Variants in MED13 observed in about 807,000 individuals in gnomAD.
The protein encoded by MED13 is mediator complex subunit 13.
MED13 carries 23 observed loss-of-function variants against 225.2 expected under a neutral mutation model. The ratio of observed to expected loss-of-function variants is 0.10; its 90% CI spans 0.07 to 0.14. The LOEUF (loss-of-function observed/expected upper bound fraction) is 0.14. MED13 is among the 10% of genes least tolerant of loss of function. MED13 has a pLI of 1.00. For synonymous variants in MED13, 942 were observed against 889.2 expected, an observed-to-expected ratio of 1.06 and a Z score of -1.06; for missense variants, 2,197 against 2,594.5, an observed-to-expected ratio of 0.85 and a Z score of 3.33.
rs2080738845 is a variant in MED13, at chr17:62,029,921, G to T, written c.1102C>A (p.Pro368Thr). Residue 368 changes from proline to threonine, a missense_variant, in exon 7 of 30, where the codon CCC becomes ACC. Pro to Thr is a conservative substitution (Grantham distance 38). Transcript: ENST00000397786. ...DSTSHHGGKI[P>T]RKLANHVVDR... is the part of the protein sequence containing the mutation. ...ACCACATGATTTGCTAATTTTCTGG[G>T]TATTTTCCCACCATGGTGGCTAGTA... 6.2e-7 allele frequency: 1 copy of T among 1,613,822 alleles called. No individual in the cohort carries two copies. Among genetic ancestry groups the T allele is most frequent in the Non-Finnish European group, 8.5e-7 (1 of 1,179,970 alleles).
intron 16 of MED13, among the ~76,000 whole-genome samples, chr17:61,976,795 T>C (rs574008843): frequency 5.3e-5 from 8 of 152,120 alleles, no homozygotes; most frequent in African/African-American, 1.9e-4. Context: ...TAGCTGGGCA[T>C]GTGGCGGGCA....
At chr17:62,015,908 CTA>C (rs1434948223) in intron 8 of MED13, among the ~76,000 whole-genome samples, 1 of 35,788 alleles carries the variant, frequency 2.8e-5, no homozygotes, top group Non-Finnish European at 5.2e-5. Flanking sequence ...CACATACACA[CTA>C]TACACATATA....
chr17:62,038,844 C>G (rs1157661356), intron 3 of MED13, among the ~76,000 whole-genome samples: 1 of 151,678 alleles, frequency 6.6e-6, no homozygotes, highest in Non-Finnish European at 1.5e-5. Flanking sequence ...TTTTTTTCCC[C>G]CTAGGGATGG....
intron 17 of MED13, among the ~76,000 whole-genome samples, chr17:61,970,485 A>G (rs1474869813): frequency 2.0e-5 from 3 of 152,090 alleles, no homozygotes; most frequent in Non-Finnish European, 4.4e-5. Context: ...GTTCAAGAAC[A>G]GACTGGGCAA....
chr17:62,040,340 TA>T (rs1307019773), intron 3 of MED13, among the ~76,000 whole-genome samples: 2 of 152,186 alleles, frequency 1.3e-5, no homozygotes, highest in Admixed American at 6.5e-5. Flanking sequence ...CTACAATATC[TA>T]AAACAAAAAG....
intron 2 of MED13, among the ~76,000 whole-genome samples, chr17:62,057,917 G>A (rs1462513168): frequency 3.3e-5 from 5 of 152,064 alleles, no homozygotes; most frequent in East Asian, 1.9e-4. Flanking sequence ...GGGAGAGGAC[G>A]CAGTGTTTGC....
intron 9 of MED13, among the ~76,000 whole-genome samples, chr17:62,001,804 T>C (rs2080397697): frequency 6.6e-6 from 1 of 152,210 alleles, no homozygotes; most frequent in African/African-American, 2.4e-5. Flanking sequence ...GTAAATTTAT[T>C]TTATACACTA....
intron 8 of MED13, among the ~76,000 whole-genome samples, chr17:62,022,285 G>C (rs1361693271): frequency 1.3e-5 from 2 of 151,386 alleles, no homozygotes; most frequent in Admixed American, 6.6e-5. Context: ...TCTGAGCCTA[G>C]GACACCTTCT....
At chr17:62,065,110 C>G (rs202128660) in intron 1 of MED13, 30 bp downstream of exon 1, 1 of 1,523,380 alleles carries the variant, frequency 6.6e-7, no homozygotes, top group African/African-American at 1.4e-5. Context: ...CGGCCCCCCT[C>G]CCTCGGCGCC....
At chr17:61,979,322 T>C in intron 16 of MED13, among the ~76,000 whole-genome samples, 1 of 152,186 alleles carries the variant, frequency 6.6e-6, no homozygotes, top group Non-Finnish European at 1.5e-5. Flanking sequence ...GCCATTTTTT[T>C]CTTTTTGAGA....
chr17:61,978,585 A>G lies in MED13; in HGVS notation c.3805+3613T>C, dbSNP rs118163231. ...TCTCAATACCCTGTAAAGTAAATCTATTATTGACCCTATTTTAAGAAATCA... is the reference window on the plus strand; with the variant it reads ...TCTCAATACCCTGTAAAGTAAATCTGTTATTGACCCTATTTTAAGAAATCA... On this transcript the variant is annotated intron_variant, in intron 16 of 29. Transcript: ENST00000397786. Among the ~76,000 whole-genome samples, 147 of 152,252 alleles carry G rather than the reference A, an allele frequency of 9.7e-4. No homozygotes were observed. The East Asian group carries it at 0.024, about 25-fold the overall frequency.
At chr17:61,961,519 CAAAAAAAA>C (rs56723756) in intron 22 of MED13, 61 bp downstream of exon 22, 19 of 730,528 alleles carry the variant, frequency 2.6e-5, no homozygotes, top group East Asian at 7.3e-5. Flanking sequence ...GGCTCCATCT[CAAAAAAAA>C]AAAAAAAAAA....
intron 5 of MED13, among the ~76,000 whole-genome samples, chr17:62,033,459 G>C (rs1469759653): frequency 6.6e-6 from 1 of 152,206 alleles, no homozygotes; most frequent in Non-Finnish European, 1.5e-5. Context: ...CTAATGCAAT[G>C]TGAGCAGATG....
At chr17:62,003,464 G>C (rs527922473) in intron 9 of MED13, among the ~76,000 whole-genome samples, 1 of 152,046 alleles carries the variant, frequency 6.6e-6, no homozygotes, top group African/African-American at 2.4e-5. Flanking sequence ...AATTAGTCAG[G>C]CGTGATGGTG....
At chr17:62,017,902 G>C (rs1308130071) in intron 8 of MED13, among the ~76,000 whole-genome samples, 1 of 152,212 alleles carries the variant, frequency 6.6e-6, no homozygotes, top group African/African-American at 2.4e-5. Context: ...TTGTACGACT[G>C]AGTTACAAGC....
intron 9 of MED13, among the ~76,000 whole-genome samples, chr17:62,001,687 A>G (rs2143545679): frequency 6.6e-6 from 1 of 152,312 alleles, no homozygotes; most frequent in African/African-American, 2.4e-5. Flanking sequence ...AGCTTCATAA[A>G]TGGAATTAAA....
intron 8 of MED13, among the ~76,000 whole-genome samples, chr17:62,012,756 G>A (rs1405705411): frequency 2.0e-5 from 3 of 151,900 alleles, no homozygotes; most frequent in Admixed American, 2.0e-4. Flanking sequence ...AGCAGTGACA[G>A]GCACTTATTT....
intron 10 of MED13, among the ~76,000 whole-genome samples, chr17:61,993,288 C>T (rs1301772017): frequency 6.7e-6 from 1 of 149,978 alleles, no homozygotes; most frequent in African/African-American, 2.5e-5. Flanking sequence ...TGCAACCTCC[C>T]CCTCCTGGGT....
chr17:61,992,697 G>A (rs113510555), intron 10 of MED13, 76 bp from the exon 11 acceptor site: 84 of 975,722 alleles, frequency 8.6e-5, no homozygotes, highest in South Asian at 7.0e-4. Context: ...TTGAGGAGCT[G>A]TGTGTCAGGC....
Sources: allele counts gnomAD v4.1 joint callset (sites outside exome capture counted in the v4.1 genomes callset), GRCh38; gene constraint gnomAD v4.1.1; transcripts MANE v1.5; gene names NCBI Gene and HGNC (gene_info 2026-07-23, HGNC 2026-07-21).